Variants in DNMBP observed in about 807,000 individuals in gnomAD.
DNMBP encodes dynamin binding protein, also known as dynamin-binding protein.
DNMBP carries 87 observed loss-of-function variants against 150.0 expected under a neutral mutation model. That is an observed-to-expected ratio of 0.58 (90% CI 0.49 to 0.69). The LOEUF is 0.69. Among genes scored for constraint, DNMBP ranks in the 30% least tolerant of loss-of-function variants. DNMBP has a pLI of 0.00. For missense variants in DNMBP, 1,774 were observed against 1,949.0 expected (o/e 0.91, Z 1.69); for synonymous variants, 711 against 750.4 (o/e 0.95, Z 0.86).
intron 1 of DNMBP, among the ~76,000 whole-genome samples, chr10:100,000,639 C>A (rs2040997997): frequency 6.6e-6 from 1 of 152,034 alleles, no homozygotes; most frequent in African/African-American, 2.4e-5. Flanking sequence ...TCTCACCCCT[C>A]CCTTAGATGA....
In DNMBP at chr10:100,009,728, C is replaced by G. The variant is rs548216121; in HGVS notation, c.-11+110G>C. On this transcript the variant is annotated intron_variant, in intron 1 of 16. Coordinates refer to ENST00000324109, the MANE Select transcript of DNMBP (RefSeq NM_015221.4). ...CCGATACAGGCCTAGCCGCGCGGCGCGGCGCGGCGCGTCTCTCGGGGTGCG... is the reference window on the plus strand; with the variant it reads ...CCGATACAGGCCTAGCCGCGCGGCGGGGCGCGGCGCGTCTCTCGGGGTGCG... The G allele has an allele frequency of 2.0e-5, 3 of 150,850 alleles. No individual in the cohort carries two copies. In the South Asian group the frequency reaches 6.2e-4, roughly 31 times the overall value. 9.3% of individuals were successfully genotyped at this position (150,850 alleles called of 1,614,324 possible).
chr10:99,948,919 C>A (rs746421405), intron 4 of DNMBP, among the ~76,000 whole-genome samples: 3 of 151,508 alleles, frequency 2.0e-5, no homozygotes, highest in Non-Finnish European at 4.4e-5. Flanking sequence ...GCCAAGATCA[C>A]GCCATTGCAC....
At chr10:99,962,620 G>T (rs1398821987) in intron 3 of DNMBP, among the ~76,000 whole-genome samples, 1 of 151,102 alleles carries the variant, frequency 6.6e-6, no homozygotes, top group Admixed American at 6.6e-5. Flanking sequence ...GATAGAGCGA[G>T]ACTCCGTCTC....
chr10:99,960,223 C>T (rs757532602), intron 3 of DNMBP, among the ~76,000 whole-genome samples: 12 of 152,294 alleles, frequency 7.9e-5, no homozygotes, highest in South Asian at 2.1e-4. Flanking sequence ...ATTTTATCAA[C>T]TGTTTTATAA....
chr10:99,933,991 G>C (rs1007851922), intron 4 of DNMBP, among the ~76,000 whole-genome samples: 81 of 152,264 alleles, frequency 5.3e-4, no homozygotes, highest in Middle Eastern at 3.4e-3. Flanking sequence ...CTGCCTCGGC[G>C]TCCCAAAGTG....
chr10:99,961,112 G>T (rs957027491), intron 3 of DNMBP, among the ~76,000 whole-genome samples: 18 of 151,128 alleles, frequency 1.2e-4, no homozygotes, highest in Admixed American at 6.6e-5. Flanking sequence ...GATGCCTTTT[G>T]CATGGCAAGC....
intron 9 of DNMBP, 77 bp downstream of exon 9, chr10:99,898,009 C>A (rs757789395): frequency 7.7e-6 from 10 of 1,307,184 alleles, no homozygotes; most frequent in Non-Finnish European, 1.0e-5. Context: ...CCAACTCTAG[C>A]GAAGTAATGA....
At chr10:99,985,378 C>T (rs1262428432) in intron 1 of DNMBP, among the ~76,000 whole-genome samples, 2 of 152,174 alleles carry the variant, frequency 1.3e-5, no homozygotes, top group African/African-American at 2.4e-5. Context: ...TATGCCACAA[C>T]ACGGCAAACC....
Position 99,892,028 on chromosome 10 carries a change from C to T in DNMBP, c.3156+2918G>A, listed in dbSNP as rs1224994300. Among the ~76,000 whole-genome samples, 61 of 142,670 alleles carry T rather than the reference C, an allele frequency of 4.3e-4. 2 individuals are homozygous for T. Among genetic ancestry groups the T allele is most frequent in the Non-Finnish European group, 6.0e-4 (40 of 66,190 alleles). The allele number at this position is 142,670 out of a possible 152,430, so 93.6% of individuals were successfully genotyped here. ...AGCCCCTCTGCCCGGCCAGCCGCCC[C>T]GTCCGGGAGGGAGGTGGGGGGGTCA... On this transcript the variant is annotated intron_variant, in intron 11 of 16. Coordinates refer to ENST00000324109, the MANE Select transcript of DNMBP (RefSeq NM_015221.4).
chr10:99,916,308 C>A (rs1183885194), intron 4 of DNMBP, among the ~76,000 whole-genome samples: 1 of 152,168 alleles, frequency 6.6e-6, no homozygotes, highest in Non-Finnish European at 1.5e-5. Context: ...ACTAACATTA[C>A]AAAAATTAGT....
chr10:99,904,151 A>C (rs1436731400), intron 6 of DNMBP, among the ~76,000 whole-genome samples: 3 of 152,138 alleles, frequency 2.0e-5, no homozygotes, highest in Non-Finnish European at 4.4e-5. Flanking sequence ...GCTACTAGGG[A>C]GGCTGAGGTG....
chr10:99,935,087 C>CAAAA (rs71009790), intron 4 of DNMBP, among the ~76,000 whole-genome samples: 712 of 48,614 alleles, frequency 0.015, no homozygotes, highest in Middle Eastern at 0.02. Context: ...CCTGTCTCCA[C>CAAAA]AAAAAAAAAA....
At chr10:99,970,971 CAAAAAAAA>C (rs532226561) in intron 2 of DNMBP, among the ~76,000 whole-genome samples, 2,074 of 33,084 alleles carry the variant, frequency 0.063, 38 homozygotes, top group Middle Eastern at 0.15. Context: ...GACTCCGTCT[CAAAAAAAA>C]AAAAAAAAAA....
In DNMBP at chr10:99,885,699, T is replaced by G; in HGVS notation, c.3786A>C (p.Pro1262=). 6.4e-7 allele frequency: 1 copy of G among 1,567,308 alleles called. No individual in the cohort carries two copies. Among genetic ancestry groups the G allele is most frequent in the Non-Finnish European group, 8.7e-7 (1 of 1,154,300 alleles). Residue 1262 remains proline, a synonymous_variant, in exon 14 of 17, where the codon CCA becomes CCC. Coordinates refer to ENST00000324109, the MANE Select transcript of DNMBP (RefSeq NM_015221.4). ...GTTCCCTACTCACCAGGCCCAGGAG[T>G]GGCTTTCGAGCAGACTGGCGGTCAA... ...KTIDRQSARK[P]LLGLPSYMLQ...
chr10:99,915,757 C>T (rs1230142595), intron 4 of DNMBP, among the ~76,000 whole-genome samples: 1 of 152,180 alleles, frequency 6.6e-6, no homozygotes, highest in African/African-American at 2.4e-5. Context: ...CTATGTGTGT[C>T]ATGCACTGTT....
At position 99,923,442 on chromosome 10, in the gene DNMBP, C is replaced by T. The variant is rs112817176; in HGVS notation, c.2261-14296G>A. On this transcript the variant is annotated intron_variant, in intron 4 of 16. Coordinates refer to ENST00000324109, the MANE Select transcript of DNMBP (RefSeq NM_015221.4). ...TCCTGACCTCTTCCAATATTCTTGCCCCATCTCTCTTACTGCCTTCCTCCT... is the reference window on the plus strand; with the variant it reads ...TCCTGACCTCTTCCAATATTCTTGCTCCATCTCTCTTACTGCCTTCCTCCT... 2.6e-3 allele frequency among the ~76,000 whole-genome samples: 389 copies of T among 152,030 alleles called. 5 individuals are homozygous for T. Among genetic ancestry groups the T allele is most frequent in the Middle Eastern group, 0.021 (6 of 292 alleles).
Position 99,895,069 on chromosome 10 carries a change from G to A in DNMBP, c.3052-19C>T, listed in dbSNP as rs2039631939. On this transcript the variant is annotated intron_variant, in intron 10 of 16. Transcript: ENST00000324109. The stretch of plus-strand genomic sequence containing the variant: ...CTTTTATCTGTTCAAAAATAAACAA[G>A]TGCTGTTAGCAAATCTGGACACTCC... 1 of 1,490,392 alleles carries A rather than the reference G, an allele frequency of 6.7e-7. No homozygotes were observed. The highest frequency in any genetic ancestry group is 1.7e-5 in the Admixed American group (1 of 57,530). The allele number at this position is 1,490,392 out of a possible 1,614,324, so 92.3% of individuals were successfully genotyped here.
At chr10:99,991,317 T>C (rs922062115) in intron 1 of DNMBP, among the ~76,000 whole-genome samples, 1 of 151,968 alleles carries the variant, frequency 6.6e-6, no homozygotes, top group Non-Finnish European at 1.5e-5. Flanking sequence ...GACCTCGTGA[T>C]CTGCCCACCT....
intron 4 of DNMBP, among the ~76,000 whole-genome samples, chr10:99,919,608 C>CA (rs1442411165): frequency 6.6e-6 from 1 of 152,216 alleles, no homozygotes; most frequent in Non-Finnish European, 1.5e-5. Flanking sequence ...GCCTGGCCAA[C>CA]ATGGTAAAAC....
Sources: gnomAD v4.1 joint callset for allele counts (sites outside exome capture counted in the v4.1 genomes callset) on GRCh38, gnomAD v4.1.1 for gene constraint, MANE v1.5 for transcripts, NCBI Gene and HGNC (gene_info 2026-07-23, HGNC 2026-07-21) for gene names.